The following KGD4 variants were observed in gnomAD, a reference collection of about 807,000 sequenced individuals.
KGD4 encodes the protein alpha-ketoglutarate dehydrogenase component 4.
the KGD4 span, chr5:69,226,389 C>T: frequency 6.2e-7 from 1 of 1,604,402 alleles, no homozygotes; most frequent in Non-Finnish European, 8.5e-7. Flanking sequence ...AAGAGACAAT[C>T]CTAAACCCAA....
the KGD4 span, among the ~76,000 whole-genome samples, chr5:69,226,170 G>A: frequency 4.6e-5 from 7 of 152,210 alleles, no homozygotes; most frequent in Admixed American, 2.6e-4. Flanking sequence ...TGTGTTTACC[G>A]GGTAGACAAG....
the KGD4 span, chr5:69,218,144 CT>C: frequency 1.9e-6 from 1 of 525,806 alleles, no homozygotes; most frequent in South Asian, 2.4e-5. Context: ...GGATCCCCCG[CT>C]CCTCCGCCAG....
chr5:69,220,985 C>T, the KGD4 span, among the ~76,000 whole-genome samples: 1 of 152,160 alleles, frequency 6.6e-6, no homozygotes, highest in African/African-American at 2.4e-5. Context: ...TTGAAGGCAG[C>T]ATGCTCGTTA....
At chr5:69,217,855 C>A in the KGD4 span, 11 of 1,613,944 alleles carry the variant, frequency 6.8e-6, no homozygotes, top group Non-Finnish European at 8.5e-6. Context: ...ATGGCGTCTG[C>A]TAGTAGGGTC....
the KGD4 span, chr5:69,229,084 A>C: frequency 1.4e-4 from 113 of 812,414 alleles, 1 homozygote; most frequent in Non-Finnish European, 1.8e-4. Flanking sequence ...TGACTAATTC[A>C]AAACTATTTT....
At chr5:69,225,350 G>GC in the KGD4 span, among the ~76,000 whole-genome samples, 5 of 144,924 alleles carry the variant, frequency 3.5e-5, no homozygotes, top group Non-Finnish European at 6.0e-5. Flanking sequence ...TGCAACCTCT[G>GC]CCTCCTGCGT....
At chr5:69,224,031 TAAAAAAAAA>T in the KGD4 span, among the ~76,000 whole-genome samples, 1 of 115,014 alleles carries the variant, frequency 8.7e-6, no homozygotes, top group Non-Finnish European at 1.9e-5. Flanking sequence ...AGACTCTGTC[TAAAAAAAAA>T]AAAAAAAAAG....
the KGD4 span, among the ~76,000 whole-genome samples, chr5:69,227,578 G>A: frequency 6.6e-6 from 1 of 151,950 alleles, no homozygotes; most frequent in African/African-American, 2.4e-5. Context: ...TTAACTTATT[G>A]TAACTATTGA....
the KGD4 span, chr5:69,217,813 G>C: frequency 6.2e-7 from 1 of 1,613,698 alleles, no homozygotes; most frequent in Non-Finnish European, 8.5e-7. Context: ...CCCGGAAACT[G>C]CCCCTTCTCG....
the KGD4 span, chr5:69,217,807 GAA>G: frequency 2.5e-6 from 4 of 1,613,584 alleles, no homozygotes; most frequent in Non-Finnish European, 3.4e-6. Flanking sequence ...TCGCGCCCCG[GAA>G]ACTGCCCCTT....
At chr5:69,224,432 G>A in the KGD4 span, among the ~76,000 whole-genome samples, 16 of 151,970 alleles carry the variant, frequency 1.1e-4, no homozygotes, top group African/African-American at 3.9e-4. Context: ...TGGGTCTTGG[G>A]ATTATAGTGT....
chr5:69,225,575 T>C, the KGD4 span, among the ~76,000 whole-genome samples: 1 of 146,784 alleles, frequency 6.8e-6, no homozygotes, highest in African/African-American at 2.5e-5. Context: ...ACCTTTTTTT[T>C]TTTTTTTTTT....
the KGD4 span, among the ~76,000 whole-genome samples, chr5:69,220,326 T>C: frequency 1.3e-5 from 2 of 151,872 alleles, no homozygotes; most frequent in African/African-American, 2.4e-5. Context: ...TACAAACTGA[T>C]AGGAAGTCAC....
At chr5:69,225,967 G>T in the KGD4 span, among the ~76,000 whole-genome samples, 8 of 152,152 alleles carry the variant, frequency 5.3e-5, no homozygotes, top group African/African-American at 1.9e-4. Context: ...CTGCACTCAC[G>T]CAATCTGCCT....
the KGD4 span, among the ~76,000 whole-genome samples, chr5:69,223,331 G>A: frequency 6.6e-6 from 1 of 151,732 alleles, no homozygotes; most frequent in South Asian, 2.1e-4. Flanking sequence ...CACCCACCTC[G>A]GCCTCTCAAA....
the KGD4 span, chr5:69,229,299 G>A: frequency 7.9e-7 from 1 of 1,263,990 alleles, no homozygotes; most frequent in Non-Finnish European, 1.1e-6. Context: ...TGACAGATGA[G>A]AAACTGTATA....
chr5:69,218,517 A>G, the KGD4 span, among the ~76,000 whole-genome samples: 6 of 146,826 alleles, frequency 4.1e-5, no homozygotes, highest in African/African-American at 1.3e-4. Context: ...TTGGTTTCAC[A>G]AGCCTATTTT....
the KGD4 span, among the ~76,000 whole-genome samples, chr5:69,227,940 C>T: frequency 6.6e-6 from 1 of 152,166 alleles, no homozygotes; most frequent in Non-Finnish European, 1.5e-5. Flanking sequence ...GGCAACAAAG[C>T]AAGACCCCAT....
chr5:69,217,787 C>T, the KGD4 span: 7 of 1,612,614 alleles, frequency 4.3e-6, no homozygotes, highest in Admixed American at 1.0e-4. Context: ...CAGTGATCGC[C>T]GCGGCTCGCT....
Sources: gnomAD v4.1 joint callset for allele counts (sites outside exome capture counted in the v4.1 genomes callset) on GRCh38, gnomAD v4.1.1 for gene constraint, MANE v1.5 for transcripts, NCBI Gene and HGNC (gene_info 2026-07-23, HGNC 2026-07-21) for gene names.